Variants in CPS1 observed in about 807,000 individuals in gnomAD.
CPS1 encodes carbamoyl-phosphate synthase 1.
CPS1 carries 109 observed loss-of-function variants against 174.6 expected under a neutral mutation model. The ratio of observed to expected loss-of-function variants is 0.62; its 90% confidence interval spans 0.53 to 0.73. The LOEUF (loss-of-function observed/expected upper bound fraction) is 0.73. CPS1 is among the 30% of genes least tolerant of loss of function. The pLI is 0.00. For missense variants in CPS1, 1,689 were observed against 1,821.9 expected, an observed-to-expected ratio of 0.93 and a Z score of 1.33; for synonymous variants, 637 against 632.0, an observed-to-expected ratio of 1.01 and a Z score of -0.12.
At chr2:210,582,204 C>A (rs1016971349) in intron 5 of CPS1, among the ~76,000 whole-genome samples, 1 of 152,052 alleles carries the variant, frequency 6.6e-6, no homozygotes, top group East Asian at 1.9e-4. Context: ...TGAATTCCCG[C>A]TTTTTTTGTG....
Position 210,576,197 on chromosome 2 carries a change from A to T in CPS1, c.237-149A>T, listed in dbSNP as rs1032280937. ...GGTATAAATTTTTATATTCTGTCATAACATTTCCCCAGGTACGTTAAAATC... is the reference window on the plus strand; with the variant it reads ...GGTATAAATTTTTATATTCTGTCATTACATTTCCCCAGGTACGTTAAAATC... On this transcript the variant is annotated intron_variant, in intron 2 of 37. Transcript: ENST00000233072. The T allele has an allele frequency of 5.4e-6, 5 of 921,180 alleles. No individual in the cohort carries two copies. The African/African-American group carries it at 6.6e-5, about 12-fold the overall frequency. The allele number at this position is 921,180 out of a possible 1,614,324, so 57.1% of individuals were successfully genotyped here.
At chr2:210,590,368 G>A (rs897520211) in intron 8 of CPS1, 134 bp downstream of exon 8, 54 of 1,318,260 alleles carry the variant, frequency 4.1e-5, no homozygotes, top group Non-Finnish European at 5.8e-5. Flanking sequence ...CTGAGGCAGT[G>A]TCAGTAGAGA....
chr2:210,519,832 C>T, intron 1 of CPS1: 1 of 976,212 alleles, frequency 1.0e-6, no homozygotes, highest in Non-Finnish European at 1.2e-6. Context: ...GCAAAAGTTC[C>T]TAATGAAAAA....
rs1453067294 is a variant in CPS1, at chr2:210,642,655, A to G, written c.3131A>G (p.Tyr1044Cys). 1 of 1,614,042 alleles carries G rather than the reference A, an allele frequency of 6.2e-7. No individual in the cohort carries two copies. Among genetic ancestry groups the G allele is most frequent in the East Asian group, 2.2e-5 (1 of 44,872 alleles). Reference protein sequence around the residue: ...ELSLERILDIYHQEACGGCII... With the variant: ...ELSLERILDICHQEACGGCII... Reference sequence around the variant, plus strand: ...TCCTTGGAGAGAATCCTAGACATCTACCATCAGGAGGTAAGAAAAGAAAAA... The same window carrying G: ...TCCTTGGAGAGAATCCTAGACATCTGCCATCAGGAGGTAAGAAAAGAAAAA... The change falls in exon 25 of 38, where the codon TAC becomes TGC. Residue 1044 changes from tyrosine to cysteine, a missense_variant. Transcript: ENST00000233072.
intron 1 of CPS1, among the ~76,000 whole-genome samples, chr2:210,557,430 G>T (rs1395662113): frequency 6.6e-6 from 1 of 151,824 alleles, no homozygotes; most frequent in Non-Finnish European, 1.5e-5. Context: ...TTTTCATTTT[G>T]TAGAGTAATA....
intron 20 of CPS1, among the ~76,000 whole-genome samples, chr2:210,613,589 A>T (rs576635562): frequency 6.6e-6 from 1 of 151,692 alleles, no homozygotes; most frequent in Admixed American, 6.6e-5. Flanking sequence ...TATATATATA[A>T]AATTTTTTTC....
rs977731874 is a variant in CPS1 at position 210,488,835 on chromosome 2, C to T, written c.3+11069C>T. 2.6e-5 allele frequency among the ~76,000 whole-genome samples: 4 copies of T among 151,862 alleles called. No individual in the cohort carries two copies. The East Asian group carries it at 7.7e-4, about 29-fold the overall frequency. On this transcript the variant is annotated intron_variant, in intron 1 of 38. Coordinates refer to the CPS1 transcript ENST00000430249. ...TTTGATTTATAATTGTATTCCATAG[C>T]CAGAAAAATGCTAAAGAGGTTAATT...
intron 1 of CPS1, among the ~76,000 whole-genome samples, chr2:210,544,970 A>T (rs942827165): frequency 6.6e-6 from 1 of 151,968 alleles, no homozygotes; most frequent in East Asian, 1.9e-4. Context: ...TTGGTATTAC[A>T]GTATGACCTG....
rs753649832 is a variant in CPS1, at chr2:210,599,450, G to A, written c.1438G>A (p.Asp480Asn). 1.2e-6 allele frequency: 2 copies of A among 1,612,454 alleles called. No individual in the cohort carries two copies. The highest frequency in any genetic ancestry group is 1.7e-6 in the Non-Finnish European group (2 of 1,179,082). Residue 480 changes from aspartate to asparagine, a missense_variant, in exon 14 of 38, where the codon GAT (aspartate) becomes AAT (asparagine). Physicochemically the swap from Asp to Asn is conservative, Grantham distance 23. Coordinates refer to ENST00000233072, the MANE Select transcript of CPS1 (RefSeq NM_001875.5). ...QTNEVGLKQADTVYFLPITPQ... is the reference protein window; with the variant it reads ...QTNEVGLKQANTVYFLPITPQ... ...CAATGAGGTGGGCTTAAAGCAAGCG[G>A]ATACTGTCTACTTTCTTCCCATCAC...
At chr2:210,553,493 A>C (rs113948735), upstream of CPS1, among the ~76,000 whole-genome samples, 1 of 151,964 alleles carries the variant, frequency 6.6e-6, no homozygotes, top group Non-Finnish European at 1.5e-5. Flanking sequence ...TAAAAAAAAA[A>C]ATTCATTTTA....
Position 210,602,268 on chromosome 2 carries a change from C to T in CPS1, c.1774C>T (p.Leu592=). The stretch of plus-strand genomic sequence containing the variant: ...AGTGATGATCCGTTCCGCCTATGCA[C>T]TGGGTGGGTTAGGCTCAGGCATCTG... ...YPVMIRSAYA[L]GGLGSGICPN... Residue 592 remains leucine (L), a synonymous_variant, in exon 16 of 38, where the codon CTG becomes TTG. Coordinates refer to ENST00000233072, the MANE Select transcript of CPS1 (RefSeq NM_001875.5). 1 of 1,612,554 alleles carries T rather than the reference C, an allele frequency of 6.2e-7. No homozygotes were observed. Among genetic ancestry groups the T allele is most frequent in the South Asian group, 1.1e-5 (1 of 91,070 alleles).
intron 1 of CPS1, among the ~76,000 whole-genome samples, chr2:210,550,561 C>A (rs1696702326): frequency 6.6e-6 from 1 of 151,890 alleles, no homozygotes; most frequent in Admixed American, 6.6e-5. Context: ...GAAGGCATAC[C>A]AATGCCTAGC....
intron 21 of CPS1, among the ~76,000 whole-genome samples, chr2:210,637,311 T>C (rs1458284896): frequency 1.3e-5 from 2 of 152,056 alleles, no homozygotes. Context: ...AAAAAATAGA[T>C]CATCAAAAGG....
intron 18 of CPS1, 24 bp from the exon 19 acceptor site, chr2:210,608,337 A>C (rs944020667): frequency 6.2e-7 from 1 of 1,609,072 alleles, no homozygotes; most frequent in Non-Finnish European, 8.5e-7. Flanking sequence ...AAGAAAAAAA[A>C]ATAAATTTGT....
At chr2:210,498,131 T>C (rs1858193) in intron 1 of CPS1, among the ~76,000 whole-genome samples, 31,901 of 151,522 alleles carry the variant, frequency 0.21, 4,050 homozygotes, top group African/African-American at 0.33. Flanking sequence ...AGATTGTATC[T>C]TATTTTGGTT....
At chr2:210,562,170 C>T (rs1266648252) in intron 1 of CPS1, among the ~76,000 whole-genome samples, 1 of 152,216 alleles carries the variant, frequency 6.6e-6, no homozygotes, top group African/African-American at 2.4e-5. Context: ...CAATGAGAAA[C>T]CTTATTAGAA....
At chr2:210,505,914 C>T (rs1042197144) in intron 1 of CPS1, among the ~76,000 whole-genome samples, 7 of 152,010 alleles carry the variant, frequency 4.6e-5, no homozygotes, top group African/African-American at 9.7e-5. Context: ...TGGAGCCCAC[C>T]GCAGCTCAAG....
intron 1 of CPS1, among the ~76,000 whole-genome samples, chr2:210,542,655 T>C (rs2106014978): frequency 6.6e-6 from 1 of 152,156 alleles, no homozygotes; most frequent in East Asian, 1.9e-4. Context: ...TGCAAATTTT[T>C]CTCTCTTTTT....
intron 1 of CPS1, among the ~76,000 whole-genome samples, chr2:210,505,827 A>G (rs1190339177): frequency 6.6e-6 from 1 of 152,210 alleles, no homozygotes; most frequent in Admixed American, 6.5e-5. Context: ...GCAAGGTGGC[A>G]GCGAGGCTGG....
Sources: gnomAD v4.1 joint callset for allele counts (sites outside exome capture counted in the v4.1 genomes callset) on GRCh38, gnomAD v4.1.1 for gene constraint, MANE v1.5 for transcripts, NCBI Gene and HGNC (gene_info 2026-07-23, HGNC 2026-07-21) for gene names.